Variants in SHISAL1 observed in about 807,000 individuals in gnomAD.
SHISAL1 encodes the protein shisa like 1.
SHISAL1 carries 9 observed loss-of-function variants against 22.6 expected under a neutral mutation model. The ratio of observed to expected loss-of-function variants is 0.40; its 90% confidence interval spans 0.24 to 0.70. The LOEUF (loss-of-function observed/expected upper bound fraction) is 0.70, where lower values mean the gene tolerates loss of function less well. SHISAL1 is among the 30% of genes least tolerant of loss of function. SHISAL1 has a pLI of 0.39. For synonymous variants in SHISAL1, 119 were observed against 115.4 expected, an observed-to-expected ratio of 1.03 and a Z score of -0.20; for missense variants, 246 against 270.6, an observed-to-expected ratio of 0.91 and a Z score of 0.64.
At chr22:44,290,088 G>A (rs1340876422) in intron 3 of SHISAL1, among the ~76,000 whole-genome samples, 1 of 152,244 alleles carries the variant, frequency 6.6e-6, no homozygotes, top group Non-Finnish European at 1.5e-5. Flanking sequence ...TGCAGCCAGT[G>A]TGGGGATGGA....
intron 4 of SHISAL1, among the ~76,000 whole-genome samples, chr22:44,265,480 C>A (rs754802942): frequency 6.6e-5 from 10 of 152,106 alleles, no homozygotes; most frequent in Non-Finnish European, 1.2e-4. Context: ...TCCAGCACAG[C>A]CTTGAGATAA....
chr22:44,306,681 T>C (rs9614434), intron 1 of SHISAL1, among the ~76,000 whole-genome samples: 14,980 of 57,136 alleles, frequency 0.26, 1,736 homozygotes, highest in African/African-American at 0.39. Context: ...ATGACGATGG[T>C]GTGTGTGGAA....
the SHISAL1 span, among the ~76,000 whole-genome samples, chr22:44,330,688 C>T: frequency 2.0e-5 from 3 of 151,980 alleles, no homozygotes; most frequent in Non-Finnish European, 4.4e-5. Context: ...GGCTGAGTAA[C>T]AAATACTAAT....
chr22:44,302,376 A>C (rs1381867889), intron 1 of SHISAL1, among the ~76,000 whole-genome samples: 1 of 151,666 alleles, frequency 6.6e-6, no homozygotes, highest in African/African-American at 2.4e-5. Context: ...GGGAGGAGTT[A>C]AAGTAGTAAG....
chr22:44,277,730 G>A (rs559414045), intron 4 of SHISAL1, among the ~76,000 whole-genome samples: 1 of 152,306 alleles, frequency 6.6e-6, no homozygotes, highest in East Asian at 1.9e-4. Context: ...GAACCCCCAT[G>A]GCCTGAGGTG....
chr22:44,284,897 G>GCCTGCCTGCCTT (rs570595554), intron 4 of SHISAL1, among the ~76,000 whole-genome samples: 2,843 of 134,472 alleles, frequency 0.021, 30 homozygotes, highest in Middle Eastern at 0.054. Context: ...CTGCCTTCCT[G>GCCTGCCTGCCTT]CCTTCCTTCC....
intron 1 of SHISAL1, among the ~76,000 whole-genome samples, chr22:44,306,578 G>C (rs73888985): frequency 0.53 from 12,596 of 23,720 alleles, 2,799 homozygotes; most frequent in East Asian, 0.61. Context: ...TCGGGGAGCT[G>C]TGATGACGAT....
At position 44,301,226 on chromosome 22, in the gene SHISAL1, G is replaced by A. The variant is rs571921676; in HGVS notation, c.-32-249C>T. Reference sequence around the variant, plus strand: ...AAATGAGACTTAATCAAAGGAGGACGGATGGCTCAGGTGGTGGAAATGACC... The same window carrying A: ...AAATGAGACTTAATCAAAGGAGGACAGATGGCTCAGGTGGTGGAAATGACC... On this transcript the variant is annotated intron_variant, in intron 1 of 4. Coordinates refer to ENST00000381176, the MANE Select transcript of SHISAL1 (RefSeq NM_001099294.2). Among the ~76,000 whole-genome samples, 25 of 152,318 alleles carry A rather than the reference G, an allele frequency of 1.6e-4. No individual in the cohort carries two copies. The East Asian group carries it at 2.9e-3, about 18-fold the overall frequency.
chr22:44,317,823 T>C (rs1380941353), upstream of SHISAL1, among the ~76,000 whole-genome samples: 4 of 152,244 alleles, frequency 2.6e-5, no homozygotes, highest in Admixed American at 6.5e-5. Context: ...CTCCACTTTC[T>C]GTTGAATCCT....
At chr22:44,321,792 G>GCCCCAGAGGAGCCTTCCCCAGGTGTCTCT in the SHISAL1 span, among the ~76,000 whole-genome samples, 4 of 152,128 alleles carry the variant, frequency 2.6e-5, no homozygotes, top group African/African-American at 7.2e-5. Context: ...GCTCCTGCAG[G>GCCCCAGAGGAGCCTTCCCCAGGTGTCTCT]CCCCACACCT....
the SHISAL1 span, among the ~76,000 whole-genome samples, chr22:44,327,240 G>GCACA: frequency 0.012 from 1,679 of 144,944 alleles, 13 homozygotes; most frequent in African/African-American, 0.012. Context: ...TGGGGGGCGC[G>GCACA]CACACACACA....
chr22:44,330,900 G>C, the SHISAL1 span, among the ~76,000 whole-genome samples: 1 of 151,904 alleles, frequency 6.6e-6, no homozygotes, highest in Non-Finnish European at 1.5e-5. Context: ...CAGGACCCAG[G>C]GGCACGCACT....
intron 4 of SHISAL1, among the ~76,000 whole-genome samples, chr22:44,277,755 G>A (rs999829): frequency 0.052 from 7,979 of 152,266 alleles, 728 homozygotes; most frequent in African/African-American, 0.18. Context: ...TGGATCACTG[G>A]GTTATGGGCC....
At chr22:44,327,235 G>C in the SHISAL1 span, among the ~76,000 whole-genome samples, 51,304 of 107,590 alleles carry the variant, frequency 0.48, 9,198 homozygotes, top group Admixed American at 0.5. Context: ...GAGAGTGGGG[G>C]GCGCGCACAC....
intron 4 of SHISAL1, among the ~76,000 whole-genome samples, chr22:44,268,884 A>G (rs112151230): frequency 0.03 from 4,625 of 152,002 alleles, 102 homozygotes; most frequent in Middle Eastern, 0.082. Context: ...TGTGAAATGA[A>G]TATGTCCTTT....
At position 44,289,496 on chromosome 22, in the gene SHISAL1, T is replaced by TGTGTGTGTGTG. The variant is rs768987294; in HGVS notation, c.282-3752_282-3751insCACACACACAC. ...TGTGTGTGTGTGTGTGTGTGTGTGT[T>TGTGTGTGTGTG]TACTGCCGGGCTCCTGGCCTCTGCA... On this transcript the variant is annotated intron_variant, in intron 3 of 4. Transcript: ENST00000381176. Among the ~76,000 whole-genome samples the TGTGTGTGTGTG allele has an allele frequency of 7.8e-3, 1,081 of 137,854 alleles. 11 individuals are homozygous for TGTGTGTGTGTG. Among genetic ancestry groups the TGTGTGTGTGTG allele is most frequent in the South Asian group, 0.03 (134 of 4,432 alleles). The allele number at this position is 137,854 out of a possible 152,430, so 90.4% of individuals were successfully genotyped here.
rs917544227 is a variant in SHISAL1, at chr22:44,243,685, A to T, written c.*6000T>A. The T allele has an allele frequency of 3.3e-5, 5 of 152,230 alleles. No homozygotes were observed. The highest frequency in any genetic ancestry group is 6.5e-5 in the Admixed American group (1 of 15,274). 9.4% of individuals were successfully genotyped at this position (152,230 alleles called of 1,614,324 possible). A position where few individuals can be genotyped will look rare whatever the true frequency, so the allele number is the denominator to read the frequency against. ...CAATCTAGGGAACAGTTGACATGAC[A>T]CTCCTTTATTAAAACCTAGGGACAT... is the stretch of plus-strand genomic sequence containing the variant. On this transcript the variant is annotated 3_prime_UTR_variant, in exon 5 of 5. Transcript: ENST00000381176.
chr22:44,309,717 T>C (rs2055504823), intron 1 of SHISAL1, among the ~76,000 whole-genome samples: 1 of 152,188 alleles, frequency 6.6e-6, no homozygotes, highest in Non-Finnish European at 1.5e-5. Context: ...CACATATGTA[T>C]CATCAGGGAT....
chr22:44,287,748 T>A (rs2055326087), intron 3 of SHISAL1, among the ~76,000 whole-genome samples: 1 of 152,120 alleles, frequency 6.6e-6, no homozygotes, highest in South Asian at 2.1e-4. Flanking sequence ...TGCAGCCCCA[T>A]CCAGTATGCT....
Sources: gnomAD v4.1 joint callset for allele counts (sites outside exome capture counted in the v4.1 genomes callset) on GRCh38, gnomAD v4.1.1 for gene constraint, MANE v1.5 for transcripts, NCBI Gene and HGNC (gene_info 2026-07-23, HGNC 2026-07-21) for gene names.